The following CIT variants were observed in gnomAD, a reference collection of about 807,000 sequenced individuals.
The protein encoded by CIT is citron rho-interacting serine/threonine kinase, also known as citron Rho-interacting kinase.
CIT carries 79 observed loss-of-function variants against 272.7 expected under a neutral mutation model. That is an observed-to-expected ratio of 0.29 (90% CI 0.24 to 0.35). The LOEUF is 0.35. Among genes scored for constraint, CIT ranks in the 10% least tolerant of loss-of-function variants. The probability of loss-of-function intolerance (pLI) is 1.00; values close to 1 mark genes in which losing one functional copy is unlikely to be tolerated. For missense variants in CIT, 1,909 were observed against 2,618.3 expected (o/e 0.73, Z 5.91); for synonymous variants, 948 against 995.6 (o/e 0.95, Z 0.90).
At position 119,747,218 on chromosome 12, in the gene CIT, C is replaced by T. The variant is rs558537855; in HGVS notation, c.2905-4754G>A. Among the ~76,000 whole-genome samples the T allele has an allele frequency of 3.6e-4, 55 of 151,788 alleles. 1 individual carries two copies. The highest frequency in any genetic ancestry group is 1.3e-3 in the African/African-American group (54 of 41,362). On this transcript the variant is annotated intron_variant, in intron 23 of 47. Transcript: ENST00000392521. ...CAGGTGGATCACAAGGTCAGGAGTT[C>T]GAGACCAGCCTGACCAACACGGTGA...
intron 7 of CIT, among the ~76,000 whole-genome samples, chr12:119,831,841 G>A (rs1339324221): frequency 1.3e-5 from 2 of 152,300 alleles, no homozygotes; most frequent in East Asian, 1.9e-4. Context: ...CTGCACTCCA[G>A]CCTGGGGGAC....
chr12:119,748,694 C>T (rs1020454461), intron 23 of CIT, among the ~76,000 whole-genome samples: 3 of 152,220 alleles, frequency 2.0e-5, no homozygotes, highest in African/African-American at 4.8e-5. Context: ...CCCATCATCA[C>T]GCTATGCAGG....
intron 9 of CIT, among the ~76,000 whole-genome samples, chr12:119,806,151 A>AG (rs1966595894): frequency 6.6e-6 from 1 of 151,478 alleles, no homozygotes; most frequent in Non-Finnish European, 1.5e-5. Flanking sequence ...AAAAAAAAAA[A>AG]AAAAAAAAAA....
chr12:119,832,698 C>T, intron 7 of CIT, 73 bp downstream of exon 7: 1 of 1,273,680 alleles, frequency 7.9e-7, no homozygotes. Flanking sequence ...TATCCCAACA[C>T]TTCCCAAACT....
chr12:119,746,665 C>T (rs570246030), intron 23 of CIT, among the ~76,000 whole-genome samples: 1 of 152,182 alleles, frequency 6.6e-6, no homozygotes, highest in Non-Finnish European at 1.5e-5. Context: ...TAATACTGAT[C>T]CATTTCCATT....
intron 19 of CIT, 73 bp from the exon 20 acceptor site, chr12:119,761,128 G>T: frequency 9.0e-7 from 1 of 1,114,066 alleles, no homozygotes; most frequent in South Asian, 1.2e-5. Flanking sequence ...GGGGACACTT[G>T]AGAAAATCTA....
At chr12:119,794,880 T>C (rs1965607529) in intron 10 of CIT, among the ~76,000 whole-genome samples, 3 of 152,172 alleles carry the variant, frequency 2.0e-5, no homozygotes, top group Non-Finnish European at 4.4e-5. Context: ...CATATCCCCA[T>C]GGCAAACCTA....
intron 22 of CIT, 46 bp downstream of exon 22, chr12:119,757,325 C>T (rs1321664932): frequency 6.2e-6 from 10 of 1,606,968 alleles, no homozygotes; most frequent in African/African-American, 5.4e-5. Flanking sequence ...GTTCAGAGCC[C>T]GAATCGCCCA....
chr12:119,748,033 G>A (rs1382234707), intron 23 of CIT, among the ~76,000 whole-genome samples: 2 of 152,026 alleles, frequency 1.3e-5, no homozygotes, highest in East Asian at 1.9e-4. Context: ...GGTGGGTGGC[G>A]AGCACCTATA....
chr12:119,877,266 G>A lies in CIT; in HGVS notation c.-31C>T, dbSNP rs1172836420. On this transcript the variant is annotated 5_prime_UTR_variant, in exon 1 of 48. Coordinates refer to ENST00000392521, the MANE Select transcript of CIT (RefSeq NM_001206999.2). The stretch of plus-strand genomic sequence containing the variant: ...AGACTCACGCTCTGCGAACCCCCAG[G>A]TCTGCGATCTGTTCCGCCCCGCGCC... 2.6e-5 allele frequency: 4 copies of A among 152,324 alleles called. No homozygotes were observed. Among genetic ancestry groups the A allele is most frequent in the Non-Finnish European group, 5.9e-5 (4 of 68,134 alleles). 9.4% of individuals were successfully genotyped at this position (152,324 alleles called of 1,614,324 possible). A position where few individuals can be genotyped will look rare whatever the true frequency, so the allele number is the denominator to read the frequency against.
At chr12:119,734,496 C>A in intron 25 of CIT, 139 bp from the exon 26 acceptor site, 2 of 878,966 alleles carry the variant, frequency 2.3e-6, no homozygotes, top group Non-Finnish European at 3.6e-6. Context: ...TTCTGCAGCC[C>A]AAGGGGACCA....
At chr12:119,843,288 A>ATT (rs1969535227) in intron 5 of CIT, among the ~76,000 whole-genome samples, 2 of 152,156 alleles carry the variant, frequency 1.3e-5, no homozygotes, top group Admixed American at 6.5e-5. Flanking sequence ...GACAGCAGGG[A>ATT]GTCTTGAAGG....
chr12:119,819,724 G>A (rs899991225), intron 9 of CIT, among the ~76,000 whole-genome samples: 2 of 152,200 alleles, frequency 1.3e-5, no homozygotes, highest in African/African-American at 4.8e-5. Context: ...TTAATGATTC[G>A]AAGTATTTCG....
intron 4 of CIT, 99 bp from the exon 5 acceptor site, chr12:119,850,374 T>TAA (rs1359087484): frequency 1.5e-4 from 45 of 302,584 alleles, no homozygotes; most frequent in East Asian, 3.9e-4. Context: ...GTTTCTAGCT[T>TAA]TAAAAAAAAA....
rs1348200599 is a variant in CIT at position 119,712,152 on chromosome 12, C to T, written c.4854+26G>A. On this transcript the variant is annotated intron_variant, in intron 37 of 47. Coordinates refer to ENST00000392521, the MANE Select transcript of CIT (RefSeq NM_001206999.2). The surrounding 1 kb of genome is among the most constrained non-coding windows in gnomAD (Gnocchi z 5.2). The stretch of plus-strand genomic sequence containing the variant: ...AAGTCAGCCCCCTTTACAAAGACAA[C>T]CTCCAGGGCCCGCTTTCATACTCAC... The T allele has an allele frequency of 6.4e-7, 1 of 1,551,440 alleles. No homozygotes were observed. Among genetic ancestry groups the T allele is most frequent in the Non-Finnish European group, 8.7e-7 (1 of 1,148,524 alleles).
At position 119,784,400 on chromosome 12, in the gene CIT, TC is replaced by T. The variant is rs890401308; in HGVS notation, c.1402-350del. The T allele has an allele frequency of 2.0e-5, 24 of 1,225,814 alleles. No homozygotes were observed. The highest frequency in any genetic ancestry group is 3.6e-4 in the Middle Eastern group (1 of 2,756). 75.9% of individuals were successfully genotyped at this position (1,225,814 alleles called of 1,614,324 possible). A position where few individuals can be genotyped will look rare whatever the true frequency, so the allele number is the denominator to read the frequency against. On this transcript the variant is annotated intron_variant, in intron 11 of 47. Transcript: ENST00000392521. The surrounding 1 kb of genome is among the most constrained non-coding windows in gnomAD (Gnocchi z 4.7). ...TAATTTTATCCCAAATCCATCTTGA[TC>T]CCCCCCCATCTCCTTGCAAAGATCT...
At chr12:119,786,257 C>T (rs532606917) in intron 10 of CIT, among the ~76,000 whole-genome samples, 2 of 152,164 alleles carry the variant, frequency 1.3e-5, no homozygotes, top group South Asian at 2.1e-4. Flanking sequence ...GATGCACTTG[C>T]TTATACAACT....
intron 19 of CIT, among the ~76,000 whole-genome samples, chr12:119,764,822 T>G (rs546029449): frequency 3.3e-5 from 5 of 152,266 alleles, no homozygotes; most frequent in Admixed American, 3.3e-4. Context: ...TTTTTTCTTT[T>G]TTGAGACAGA....
intron 4 of CIT, 101 bp from the exon 5 acceptor site, chr12:119,850,376 A>T (rs1466955513): frequency 2.4e-5 from 6 of 251,010 alleles, no homozygotes; most frequent in Non-Finnish European, 2.7e-5. Flanking sequence ...TTCTAGCTTT[A>T]AAAAAAAAAA....
Sources: allele counts gnomAD v4.1 joint callset (sites outside exome capture counted in the v4.1 genomes callset), GRCh38; gene constraint gnomAD v4.1.1; non-coding constraint Gnocchi (gnomAD v3.1); transcripts MANE v1.5; gene names NCBI Gene and HGNC (gene_info 2026-07-23, HGNC 2026-07-21).